KDM4B: variants seen among roughly 807,000 people sequenced by gnomAD.
KDM4B encodes lysine demethylase 4B.
A neutral mutation model predicts 125.2 loss-of-function variants in KDM4B; 32 were observed. The ratio of observed to expected loss-of-function variants is 0.26; its 90% CI spans 0.19 to 0.34. The LOEUF (loss-of-function observed/expected upper bound fraction) is 0.34, where lower values mean the gene tolerates loss of function less well. KDM4B is among the 10% of genes least tolerant of loss of function. The pLI, the probability that KDM4B is intolerant of heterozygous loss-of-function variation, is 1.00. For missense variants in KDM4B, 1,190 were observed against 1,577.7 expected (o/e 0.75, Z 4.16); for synonymous variants, 721 against 677.9 (o/e 1.06, Z -0.99).
In KDM4B at chr19:5,039,990, G is replaced by A. The variant is rs1360700448; in HGVS notation, c.296G>A (p.Arg99His). Residue 99 changes from arginine (R) to histidine (H), a missense_variant, in exon 4 of 23, where the codon CGC becomes CAC. Arg to His is a conservative substitution (Grantham distance 29). Around this residue, in one of 7 missense-constraint regions of KDM4B, gnomAD observed 139 missense variants for 248.3 expected, o/e 0.56. Coordinates refer to ENST00000159111, the MANE Select transcript of KDM4B (RefSeq NM_015015.3). ...AAGGCCATGACAGTGGGCGAGTACCGCCGCCTGGCCAACAGCGAGAAGTAC... is the reference window on the plus strand; with the variant it reads ...AAGGCCATGACAGTGGGCGAGTACCACCGCCTGGCCAACAGCGAGAAGTAC... Reference protein sequence around the residue: ...QKKAMTVGEYRRLANSEKYCT... With the variant: ...QKKAMTVGEYHRLANSEKYCT... The A allele has an allele frequency of 3.1e-6, 5 of 1,611,150 alleles. No individual in the cohort carries two copies. The highest frequency in any genetic ancestry group is 1.7e-5 in the Admixed American group (1 of 59,940).
rs56805060 is a variant in KDM4B at position 5,096,626 on chromosome 19, C to T, written c.919-13996C>T. On this transcript the variant is annotated intron_variant, in intron 9 of 22. Transcript: ENST00000159111. ...GTTGCCGCGGTGCCCCCGGCGGTGT[C>T]GGTGGTGCGTGTTGCCATGGCGCCT... 6.4e-3 allele frequency among the ~76,000 whole-genome samples: 964 copies of T among 150,266 alleles called. 26 individuals carry two copies. The East Asian group carries it at 0.08, about 13-fold the overall frequency.
intron 2 of KDM4B, among the ~76,000 whole-genome samples, chr19:5,025,197 A>C (rs770697832): frequency 4.6e-5 from 7 of 151,770 alleles, no homozygotes; most frequent in Non-Finnish European, 1.0e-4. Context: ...GAAGAAACCT[A>C]GGGGTGGGGC....
chr19:5,047,520 C>G lies in KDM4B; in HGVS notation c.477C>G (p.Asp159Glu). 6.2e-7 allele frequency: 1 copy of G among 1,613,654 alleles called. No individual in the cohort carries two copies. Among genetic ancestry groups the G allele is most frequent in the Non-Finnish European group, 8.5e-7 (1 of 1,179,800 alleles). ...WNIGSLRTIL[D>E]MVERECGTII... is the part of the protein sequence containing the mutation. The stretch of plus-strand genomic sequence containing the variant: ...TCGGGAGCCTCCGGACCATCCTGGA[C>G]ATGGTGGAGCGCGAGTGCGGCACCA... Residue 159 changes from aspartate to glutamate, a missense_variant, in exon 6 of 23, where the codon GAC becomes GAG. Asp to Glu is a conservative substitution (Grantham distance 45). Transcript: ENST00000159111.
At chr19:5,079,876 G>T (rs992460870) in intron 8 of KDM4B, among the ~76,000 whole-genome samples, 2 of 151,772 alleles carry the variant, frequency 1.3e-5, no homozygotes, top group Admixed American at 6.6e-5. Context: ...CAGTAATTAG[G>T]TTTTTTTTTA....
chr19:5,084,261 T>TTTATATA (rs1342580320), intron 9 of KDM4B, among the ~76,000 whole-genome samples: 1 of 147,636 alleles, frequency 6.8e-6, no homozygotes, highest in African/African-American at 2.5e-5. Context: ...AAAATACGTA[T>TTTATATA]TTATATATTA....
intron 10 of KDM4B, chr19:5,111,901 A>G: frequency 1.4e-6 from 1 of 738,922 alleles, no homozygotes. Flanking sequence ...TGAAATCCAG[A>G]TCTCATGATT....
intron 10 of KDM4B, among the ~76,000 whole-genome samples, chr19:5,118,901 G>C (rs2039306616): frequency 2.0e-5 from 3 of 152,168 alleles, no homozygotes; most frequent in Admixed American, 2.0e-4. Context: ...TGCCCCGTGA[G>C]CAGATCCTGG....
At chr19:5,084,563 ATAAATTATATG>A (rs2038422529) in intron 9 of KDM4B, among the ~76,000 whole-genome samples, 3 of 128,810 alleles carry the variant, frequency 2.3e-5, no homozygotes, top group Non-Finnish European at 4.9e-5. Context: ...TATAAATTAT[ATAAATTATATG>A]TATTATATAT....
In KDM4B at chr19:5,078,235, T is replaced by C. The variant is rs547001352; in HGVS notation, c.780+765T>C. 1.3e-5 allele frequency: 2 copies of C among 152,430 alleles called. No individual in the cohort carries two copies. Among genetic ancestry groups the C allele is most frequent in the Non-Finnish European group, 2.9e-5 (2 of 68,118 alleles). The allele number at this position is 152,430 out of a possible 1,614,324, so 9.4% of individuals were successfully genotyped here. On this transcript the variant is annotated intron_variant, in intron 8 of 22. Coordinates refer to ENST00000159111, the MANE Select transcript of KDM4B (RefSeq NM_015015.3). The surrounding 1 kb of genome is among the most constrained non-coding windows in gnomAD (Gnocchi z 4.5). ...CAGCTCTGTCCAGGTGAGAGGCACG[T>C]GCCAAGAACCTGCAAGGCAGGTCTG...
At chr19:5,137,930 C>T (rs74172690) in intron 17 of KDM4B, 32 bp from the exon 18 acceptor site, 27,619 of 1,549,750 alleles carry the variant, frequency 0.018, 327 homozygotes, top group Middle Eastern at 0.028. Flanking sequence ...TCCTCAGAGG[C>T]GCACCTGACC....
At position 5,048,612 on chromosome 19, in the gene KDM4B, G is replaced by A. The variant is rs377003934; in HGVS notation, c.626+943G>A. 1.6e-3 allele frequency among the ~76,000 whole-genome samples: 242 copies of A among 152,072 alleles called. 3 individuals are homozygous for A. The highest frequency in any genetic ancestry group is 5.6e-3 in the African/African-American group (233 of 41,456). ...GTTGTAAGCGGGGAGAGGGGGGGGC[G>A]GGGGAGAATGCTGTACCTCTTCGTT... is the stretch of plus-strand genomic sequence containing the variant. On this transcript the variant is annotated intron_variant, in intron 6 of 22. Transcript: ENST00000159111.
rs972358627 is a variant in KDM4B, at chr19:5,035,076, C to G, written c.141+2045C>G. 7.9e-5 allele frequency among the ~76,000 whole-genome samples: 12 copies of G among 152,276 alleles called. No homozygotes were observed. Among genetic ancestry groups the G allele is most frequent in the Non-Finnish European group, 1.5e-4 (10 of 68,010 alleles). On this transcript the variant is annotated intron_variant, in intron 3 of 22. Coordinates refer to ENST00000159111, the MANE Select transcript of KDM4B (RefSeq NM_015015.3). The surrounding 1 kb of genome is among the most constrained non-coding windows in gnomAD (Gnocchi z 5.3). ...ACGGTGGGGGCTGCTGCCGTCCCGG[C>G]TTCAGTTCTGTCTTTAAAAGGCTTT...
At chr19:4,988,535 A>G (rs1360585182) in intron 1 of KDM4B, among the ~76,000 whole-genome samples, 1 of 152,068 alleles carries the variant, frequency 6.6e-6, no homozygotes, top group East Asian at 1.9e-4. Context: ...TCGGCTTCCC[A>G]AAGTGCTGGG....
intron 6 of KDM4B, among the ~76,000 whole-genome samples, chr19:5,048,235 T>C (rs1354230341): frequency 6.6e-6 from 1 of 152,040 alleles, no homozygotes; most frequent in Non-Finnish European, 1.5e-5. Context: ...GCGGGCTGAG[T>C]TCCAGGACCT....
intron 9 of KDM4B, among the ~76,000 whole-genome samples, chr19:5,101,538 A>C (rs1383040759): frequency 6.6e-6 from 1 of 151,818 alleles, no homozygotes; most frequent in Non-Finnish European, 1.5e-5. Context: ...CTGAAAAAAA[A>C]AAACAAAACC....
At chr19:4,990,256 C>T (rs2034990674) in intron 1 of KDM4B, among the ~76,000 whole-genome samples, 1 of 152,200 alleles carries the variant, frequency 6.6e-6, no homozygotes, top group Non-Finnish European at 1.5e-5. Flanking sequence ...CACCAGTGTG[C>T]TCCAGCCTGG....
At chr19:5,061,195 G>A (rs1248086082) in intron 6 of KDM4B, among the ~76,000 whole-genome samples, 3 of 152,200 alleles carry the variant, frequency 2.0e-5, no homozygotes, top group Non-Finnish European at 4.4e-5. Flanking sequence ...TGTCTCCTCC[G>A]CCTGCTGCTC....
chr19:5,005,787 C>T (rs1291434825), intron 1 of KDM4B, among the ~76,000 whole-genome samples: 1 of 152,188 alleles, frequency 6.6e-6, no homozygotes, highest in Non-Finnish European at 1.5e-5. Context: ...CCACCATTCT[C>T]CAGCGGCTGC....
In KDM4B at chr19:4,988,120, C is replaced by T. The variant is rs144722777; in HGVS notation, c.-109+18890C>T. On this transcript the variant is annotated intron_variant, in intron 1 of 22. Transcript: ENST00000159111. ...TGCAGGGGCAGGAGCTGGGGCCCTC[C>T]GTTCAGTTCACTCCTACCTGGGGGC... is the stretch of plus-strand genomic sequence containing the variant. 4.8e-3 allele frequency among the ~76,000 whole-genome samples: 727 copies of T among 152,304 alleles called. 11 individuals are homozygous for T. Among genetic ancestry groups the T allele is most frequent in the African/African-American group, 0.016 (667 of 41,552 alleles).
Sources: gnomAD v4.1 joint callset for allele counts (sites outside exome capture counted in the v4.1 genomes callset) on GRCh38, gnomAD v4.1.1 for gene constraint, gnomAD v4.1.1 regional missense constraint, Gnocchi (gnomAD v3.1) non-coding constraint, MANE v1.5 for transcripts, NCBI Gene and HGNC (gene_info 2026-07-23, HGNC 2026-07-21) for gene names.